The following RADIL variants were observed in gnomAD, a reference collection of about 807,000 sequenced individuals.
The protein encoded by RADIL is Rap associating with DIL domain.
Under a neutral mutation model 97.6 loss-of-function variants are expected in RADIL, and 99 were observed. The observed-to-expected ratio is 1.01, with a 90% CI of 0.86 to 1.20. RADIL has a LOEUF of 1.20. Among genes scored for constraint, RADIL ranks in the 50% most tolerant of loss-of-function variants. The pLI, the probability that RADIL is intolerant of heterozygous loss-of-function variation, is 0.00. For synonymous variants in RADIL, 803 were observed against 691.8 expected (o/e 1.16, Z -2.52); for missense variants, 1,765 against 1,498.9 (o/e 1.18, Z -2.93).
In RADIL at chr7:4,837,349, G is replaced by T. The variant is rs936202042; in HGVS notation, c.536-744C>A. Reference sequence around the variant, plus strand: ...TGCCCCATCCATCTGTGCACCAGGCGAAACTCCCCTGGGGGTGGTGCTCTG... The same window carrying T: ...TGCCCCATCCATCTGTGCACCAGGCTAAACTCCCCTGGGGGTGGTGCTCTG... On this transcript the variant is annotated intron_variant, in intron 2 of 14. Coordinates refer to ENST00000399583, the MANE Select transcript of RADIL (RefSeq NM_018059.5). This position sits in a 1 kb window ranked among gnomAD's most constrained non-coding sequence, Gnocchi z 5.6. Among the ~76,000 whole-genome samples, 5 of 152,178 alleles carry T rather than the reference G, an allele frequency of 3.3e-5. No homozygotes were observed. Among genetic ancestry groups the T allele is most frequent in the African/African-American group, 1.2e-4 (5 of 41,436 alleles).
In RADIL at chr7:4,800,153, G is replaced by A. The variant is rs6977412; in HGVS notation, c.2982+18C>T. The A allele has an allele frequency of 0.078, 124,054 of 1,596,764 alleles. 9,253 individuals are homozygous for A. Among genetic ancestry groups the A allele is most frequent in the African/African-American group, 0.38 (27,833 of 74,146 alleles). On this transcript the variant is annotated intron_variant, in intron 13 of 14. Coordinates refer to ENST00000399583, the MANE Select transcript of RADIL (RefSeq NM_018059.5). Reference sequence around the variant, plus strand: ...GGCAGCCAGTATGGGGGTGCGGCGAGGGTCCTGGGCCACTCACCATCCCGT... The same window carrying A: ...GGCAGCCAGTATGGGGGTGCGGCGAAGGTCCTGGGCCACTCACCATCCCGT...
At chr7:4,860,440 G>C (rs1399207021) in intron 2 of RADIL, 1 of 1,614,138 alleles carries the variant, frequency 6.2e-7, no homozygotes, top group Non-Finnish European at 8.5e-7. Flanking sequence ...TATCATAGGT[G>C]AGATCAATGC....
rs1225964877 is a variant in RADIL, at chr7:4,813,592, A to G, written c.2139+1686T>C. ...AGTGGCCCCTGCCTGGACAAAGCCT[A>G]GATTCTCAGCCTCACACCGTCACCT... On this transcript the variant is annotated intron_variant, in intron 9 of 14. Transcript: ENST00000399583. This position sits in a 1 kb window ranked among gnomAD's most constrained non-coding sequence, Gnocchi z 5.0. 6.6e-6 allele frequency among the ~76,000 whole-genome samples: 1 copy of G among 152,192 alleles called. No individual in the cohort carries two copies. Among genetic ancestry groups the G allele is most frequent in the Non-Finnish European group, 1.5e-5 (1 of 68,024 alleles).
chr7:4,835,268 C>A lies in RADIL; in HGVS notation c.784-29G>T. ...AAACAGAGACTCCGCTCAGGGCAGGCGTAACGCGAGCAGCACACGGGAAAA... is the reference window on the plus strand; with the variant it reads ...AAACAGAGACTCCGCTCAGGGCAGGAGTAACGCGAGCAGCACACGGGAAAA... On this transcript the variant is annotated intron_variant, in intron 3 of 14. Transcript: ENST00000399583. This position sits in a 1 kb window ranked among gnomAD's most constrained non-coding sequence, Gnocchi z 5.8. The A allele has an allele frequency of 1.9e-6, 3 of 1,600,354 alleles. No individual in the cohort carries two copies. Among genetic ancestry groups the A allele is most frequent in the Non-Finnish European group, 1.7e-6 (2 of 1,178,460 alleles).
chr7:4,862,064 C>A, intron 2 of RADIL: 1 of 380,298 alleles, frequency 2.6e-6, no homozygotes, highest in Non-Finnish European at 4.7e-6. Flanking sequence ...GCACCCGCCG[C>A]CAGCGCGAGG....
At position 4,827,382 on chromosome 7, in the gene RADIL, G is replaced by A. The variant is rs372189652; in HGVS notation, c.1454+4759C>T. On this transcript the variant is annotated intron_variant, in intron 5 of 14. Transcript: ENST00000399583. ...TGTCTCAAAAAAAAAAAAAAGGGCC[G>A]GGTGCGGTGGCTCACGCCTGTAATC... 9.7e-4 allele frequency among the ~76,000 whole-genome samples: 141 copies of A among 145,192 alleles called. 1 individual carries two copies. Among genetic ancestry groups the A allele is most frequent in the African/African-American group, 1.5e-3 (60 of 38,796 alleles).
At chr7:4,831,735 AAAATT>A (rs1479883002) in intron 5 of RADIL, among the ~76,000 whole-genome samples, 1 of 151,596 alleles carries the variant, frequency 6.6e-6, no homozygotes, top group African/African-American at 2.4e-5. Flanking sequence ...CAAAAAAAAA[AAAATT>A]AGCCAGGCAT....
rs564274317 is a variant in RADIL, at chr7:4,851,618, C to T, written c.536-15013G>A. ...TATGTCATCCTGCAATTGCTGGAAA[C>T]AGAATTTGCAAATGGTGAACCTGAA... On this transcript the variant is annotated intron_variant, in intron 2 of 14. Transcript: ENST00000399583. Among the ~76,000 whole-genome samples, 8 of 152,268 alleles carry T rather than the reference C, an allele frequency of 5.3e-5. No individual in the cohort carries two copies. In the East Asian group the frequency reaches 1.3e-3, roughly 26 times the overall value.
intron 2 of RADIL, among the ~76,000 whole-genome samples, chr7:4,839,153 G>A (rs976677854): frequency 3.9e-5 from 6 of 152,318 alleles, no homozygotes; most frequent in Admixed American, 6.5e-5. Context: ...GATATGACGC[G>A]TTGGCTCAGT....
rs183343692 is a variant in RADIL, at chr7:4,865,718, C to T, written c.535+11887G>A. Reference sequence around the variant, plus strand: ...GCAGCATCTGTGATTCCATCTTCTACGGGGTGGGTGCAATCAAGAGTGAAC... The same window carrying T: ...GCAGCATCTGTGATTCCATCTTCTATGGGGTGGGTGCAATCAAGAGTGAAC... On this transcript the variant is annotated intron_variant, in intron 2 of 14. Transcript: ENST00000399583. 1.2e-3 allele frequency: 1,259 copies of T among 1,035,234 alleles called. 11 individuals carry two copies. The highest frequency in any genetic ancestry group is 3.3e-4 in the East Asian group (14 of 42,426). The allele number at this position is 1,035,234 out of a possible 1,614,324, so 64.1% of individuals were successfully genotyped here. A position where few individuals can be genotyped will look rare whatever the true frequency, so the allele number is the denominator to read the frequency against.
chr7:4,880,905 T>C lies in RADIL; in HGVS notation c.-65+2691A>G, dbSNP rs1337280546. Among the ~76,000 whole-genome samples, 2 of 152,130 alleles carry C rather than the reference T, an allele frequency of 1.3e-5. No individual in the cohort carries two copies. The highest frequency in any genetic ancestry group is 2.9e-5 in the Non-Finnish European group (2 of 68,010). On this transcript the variant is annotated intron_variant, in intron 1 of 14. Coordinates refer to ENST00000399583, the MANE Select transcript of RADIL (RefSeq NM_018059.5). The surrounding 1 kb of genome is among the most constrained non-coding windows in gnomAD (Gnocchi z 4.5). ...TAAGGCCAGGAGTTCAAGACTAGCC[T>C]GGGCAACATAACAAGATCCCAATCT...
chr7:4,845,544 C>T (rs1783545661), intron 2 of RADIL, among the ~76,000 whole-genome samples: 2 of 152,284 alleles, frequency 1.3e-5, no homozygotes, highest in African/African-American at 2.4e-5. Flanking sequence ...AGCACCAAAG[C>T]GTTGAAAATG....
chr7:4,845,565 G>A (rs1562447769), intron 2 of RADIL, among the ~76,000 whole-genome samples: 1 of 152,136 alleles, frequency 6.6e-6, no homozygotes, highest in African/African-American at 2.4e-5. Flanking sequence ...ATTCTCTCCG[G>A]GAGGTGACCT....
chr7:4,805,335 G>T, intron 10 of RADIL: 1 of 455,860 alleles, frequency 2.2e-6, no homozygotes, highest in Non-Finnish European at 3.8e-6. Flanking sequence ...TTTGGAACTT[G>T]GGCATGGACT....
Position 4,834,883 on chromosome 7 carries a change from C to A in RADIL, c.1140G>T (p.Arg380=), listed in dbSNP as rs1179881023. ...GGGCCCCGAGCGCGGCCCCGCACAG[C>A]CGGCAGCTCTGCGGCACAGCCCGGA... ...ARLRAVPQSC[R]LCGAALGARG... The change falls in exon 4 of 15, where the codon CGG becomes CGT. Residue 380 remains arginine (R), a synonymous_variant. Transcript: ENST00000399583. The surrounding 1 kb of genome is among the most constrained non-coding windows in gnomAD (Gnocchi z 6.0). 5 of 1,443,344 alleles carry A rather than the reference C, an allele frequency of 3.5e-6. No individual in the cohort carries two copies. In the South Asian group the frequency reaches 4.4e-5, roughly 13 times the overall value. 89.4% of individuals were successfully genotyped at this position (1,443,344 alleles called of 1,614,324 possible). A position where few individuals can be genotyped will look rare whatever the true frequency, so the allele number is the denominator to read the frequency against.
chr7:4,815,305 C>CA lies in RADIL; in HGVS notation c.2111dup (p.Ala705GlyfsTer137), dbSNP rs760677533. The stretch of plus-strand genomic sequence containing the variant: ...GGATGAGCTGGGCCCTGGGTGTGGC[C>CA]AGCAGGTTGAGGGTGCAGGAGAGCT... On this transcript the variant is annotated frameshift_variant, in exon 9 of 15. Coordinates refer to ENST00000399583, the MANE Select transcript of RADIL (RefSeq NM_018059.5). LOFTEE classifies it high-confidence loss of function. The surrounding 1 kb of genome is among the most constrained non-coding windows in gnomAD (Gnocchi z 8.0). 6.4e-7 allele frequency: 1 copy of CA among 1,562,050 alleles called. No individual in the cohort carries two copies. Among genetic ancestry groups the CA allele is most frequent in the South Asian group, 1.2e-5 (1 of 84,756 alleles).
rs539891015 is a variant in RADIL, at chr7:4,827,305, C to A, written c.1455-4751G>T. The stretch of plus-strand genomic sequence containing the variant: ...GCTTGATCCTGGGAGGCGGAGGCTG[C>A]GGTGAAATGCGATTGCACCAGTGCA... On this transcript the variant is annotated intron_variant, in intron 5 of 14. Transcript: ENST00000399583. 7.5e-5 allele frequency among the ~76,000 whole-genome samples: 11 copies of A among 146,882 alleles called. No individual in the cohort carries two copies. The South Asian group carries it at 2.5e-3, about 33-fold the overall frequency.
chr7:4,828,413 G>C (rs1334323905), intron 5 of RADIL, among the ~76,000 whole-genome samples: 1 of 152,202 alleles, frequency 6.6e-6, no homozygotes, highest in East Asian at 1.9e-4. Flanking sequence ...AGCCGAGGTC[G>C]CGCCAATGCG....
rs771284342 is a variant in RADIL at position 4,840,509 on chromosome 7, C to A, written c.536-3904G>T. On this transcript the variant is annotated intron_variant, in intron 2 of 14. Transcript: ENST00000399583. The surrounding 1 kb of genome is among the most constrained non-coding windows in gnomAD (Gnocchi z 5.6). ...CCCTCAGACCCGGCAGCACACTGCT[C>A]AGGAAGGGTAGGCCAGGGCTTTGCA... Among the ~76,000 whole-genome samples, 29 of 152,156 alleles carry A rather than the reference C, an allele frequency of 1.9e-4. No homozygotes were observed. Among genetic ancestry groups the A allele is most frequent in the African/African-American group, 7.2e-5 (3 of 41,430 alleles).
Sources: gnomAD v4.1 joint callset for allele counts (sites outside exome capture counted in the v4.1 genomes callset) on GRCh38, gnomAD v4.1.1 for gene constraint, Gnocchi (gnomAD v3.1) non-coding constraint, MANE v1.5 for transcripts, NCBI Gene and HGNC (gene_info 2026-07-23, HGNC 2026-07-21) for gene names.